The following OR1J2 variants were observed in gnomAD, a reference collection of about 807,000 sequenced individuals.
OR1J2 encodes olfactory receptor 1J2.
For synonymous variants in OR1J2, 142 were observed against 99.7 expected (o/e 1.42, Z -2.52); for missense variants, 304 against 246.1 (o/e 1.24, Z -1.57).
At chr9:122,572,579 G>GC in the OR1J2 span, among the ~76,000 whole-genome samples, 1 of 147,974 alleles carries the variant, frequency 6.8e-6, no homozygotes, top group African/African-American at 2.5e-5. Flanking sequence ...TTTGGGTTTG[G>GC]TTTTTTTTTT....
At chr9:122,475,354 C>T in the OR1J2 span, among the ~76,000 whole-genome samples, 1 of 152,214 alleles carries the variant, frequency 6.6e-6, no homozygotes, top group Admixed American at 6.5e-5. Context: ...GTCTTTATCT[C>T]TCTCCCGCCA....
chr9:122,504,644 A>G, the OR1J2 span, among the ~76,000 whole-genome samples: 1 of 152,160 alleles, frequency 6.6e-6, no homozygotes, highest in Non-Finnish European at 1.5e-5. Context: ...TTGTGACCAC[A>G]TACATGTCAT....
chr9:122,516,598 C>T (rs533372992), downstream of OR1J2, among the ~76,000 whole-genome samples: 18 of 152,216 alleles, frequency 1.2e-4, no homozygotes, highest in East Asian at 3.9e-4. Context: ...CCACCGCGCC[C>T]GGCCCATACA....
chr9:122,532,861 G>A, the OR1J2 span, among the ~76,000 whole-genome samples: 2 of 152,066 alleles, frequency 1.3e-5, no homozygotes, highest in African/African-American at 4.8e-5. Context: ...GAGTTGTTTT[G>A]TAAGGGATTG....
the OR1J2 span, chr9:122,475,062 A>G: frequency 6.7e-6 from 1 of 150,314 alleles, no homozygotes; most frequent in Non-Finnish European, 1.5e-5. Flanking sequence ...CATTTCTCTA[A>G]TTTTTTTTTT....
the OR1J2 span, among the ~76,000 whole-genome samples, chr9:122,462,885 T>C: frequency 6.6e-6 from 1 of 152,196 alleles, no homozygotes; most frequent in Admixed American, 6.5e-5. Flanking sequence ...CTTAGATAAC[T>C]TCATGACTAT....
At chr9:122,514,773 A>G (rs1828677255), downstream of OR1J2, among the ~76,000 whole-genome samples, 2 of 152,164 alleles carry the variant, frequency 1.3e-5, no homozygotes, top group Admixed American at 6.5e-5. Flanking sequence ...GGAAACCAGA[A>G]TCTGGCAGGG....
the OR1J2 span, among the ~76,000 whole-genome samples, chr9:122,467,127 G>T: frequency 3.9e-5 from 6 of 152,096 alleles, no homozygotes; most frequent in Non-Finnish European, 7.4e-5. Flanking sequence ...ATCCGGCTGG[G>T]AGTGTGGTCT....
the OR1J2 span, among the ~76,000 whole-genome samples, chr9:122,453,328 G>A: frequency 6.6e-6 from 1 of 152,292 alleles, no homozygotes; most frequent in East Asian, 1.9e-4. Context: ...AGTTCAGTGA[G>A]TTTCCTGGGA....
the OR1J2 span, among the ~76,000 whole-genome samples, chr9:122,571,421 G>A: frequency 7.9e-5 from 12 of 152,002 alleles, no homozygotes; most frequent in African/African-American, 2.9e-4. Flanking sequence ...ATGGTGGCGG[G>A]GGCCTGTAAT....
At chr9:122,495,331 G>T in the OR1J2 span, among the ~76,000 whole-genome samples, 2 of 151,958 alleles carry the variant, frequency 1.3e-5, no homozygotes, top group African/African-American at 4.8e-5. Flanking sequence ...TTATTCTTAG[G>T]TTTGGACATT....
At chr9:122,570,902 T>G in the OR1J2 span, among the ~76,000 whole-genome samples, 1 of 152,332 alleles carries the variant, frequency 6.6e-6, no homozygotes, top group East Asian at 1.9e-4. Flanking sequence ...AAGAGGCATA[T>G]GTTATTACTG....
the OR1J2 span, among the ~76,000 whole-genome samples, chr9:122,526,146 A>T: frequency 6.6e-6 from 1 of 151,966 alleles, no homozygotes; most frequent in African/African-American, 2.4e-5. Context: ...TACTATACTG[A>T]ATGCATTTCA....
At chr9:122,520,065 A>G in the OR1J2 span, 16 of 1,612,330 alleles carry the variant, frequency 9.9e-6, no homozygotes, top group East Asian at 3.6e-4. Context: ...CAACAGGGCA[A>G]CAGTCTTATC....
the OR1J2 span, among the ~76,000 whole-genome samples, chr9:122,463,967 G>C: frequency 2.0e-5 from 3 of 152,206 alleles, no homozygotes; most frequent in Non-Finnish European, 4.4e-5. Context: ...CATCAGTATA[G>C]GGAAGATTAG....
the OR1J2 span, among the ~76,000 whole-genome samples, chr9:122,543,086 G>A: frequency 6.6e-6 from 1 of 152,066 alleles, no homozygotes; most frequent in East Asian, 1.9e-4. Context: ...ACAAACTTTT[G>A]GGTGGACATA....
chr9:122,548,930 C>A, the OR1J2 span, among the ~76,000 whole-genome samples: 2 of 151,926 alleles, frequency 1.3e-5, no homozygotes, highest in African/African-American at 4.8e-5. Context: ...TTTGTTTACT[C>A]TGTTGATTAT....
chr9:122,562,059 G>A, the OR1J2 span, among the ~76,000 whole-genome samples: 2 of 152,204 alleles, frequency 1.3e-5, no homozygotes, highest in African/African-American at 4.8e-5. Context: ...TTCCTGCAGG[G>A]AGGCCCTCCC....
chr9:122,491,996 A>G, the OR1J2 span, among the ~76,000 whole-genome samples: 1 of 152,050 alleles, frequency 6.6e-6, no homozygotes, highest in Non-Finnish European at 1.5e-5. Context: ...TAGATTTAAC[A>G]TTTTTTCTTT....
Sources: gnomAD v4.1 joint callset for allele counts (sites outside exome capture counted in the v4.1 genomes callset) on GRCh38, gnomAD v4.1.1 for gene constraint, MANE v1.5 for transcripts, NCBI Gene and HGNC (gene_info 2026-07-23, HGNC 2026-07-21) for gene names.